The following RXRG variants were observed in gnomAD, a reference collection of about 807,000 sequenced individuals.
RXRG encodes retinoic acid receptor RXR-gamma.
Under a neutral mutation model 49.2 loss-of-function variants are expected in RXRG, and 19 were observed. The observed-to-expected ratio is 0.39, with a 90% CI of 0.27 to 0.57. The LOEUF is 0.57. Ranked by LOEUF, RXRG falls within the 20% of genes least tolerant of loss-of-function variation. RXRG has a pLI of 0.64. For missense variants in RXRG, 452 were observed against 592.5 expected (o/e 0.76, Z 2.46); for synonymous variants, 224 against 216.6 (o/e 1.03, Z -0.30).
At chr1:165,425,135 C>T (rs188742770) in intron 2 of RXRG, among the ~76,000 whole-genome samples, 13 of 152,252 alleles carry the variant, frequency 8.5e-5, no homozygotes, top group Non-Finnish European at 1.9e-4. Context: ...CCAGGAATAG[C>T]GGCCCTGCTA....
chr1:165,417,345 C>T (rs1658158796), intron 3 of RXRG, 125 bp from the exon 4 acceptor site: 5 of 782,288 alleles, frequency 6.4e-6, no homozygotes, highest in South Asian at 4.2e-5. Context: ...GGACAGAAAG[C>T]AAATAATCAC....
chr1:165,426,424 G>A (rs1165066853), intron 2 of RXRG, among the ~76,000 whole-genome samples: 2 of 152,052 alleles, frequency 1.3e-5, no homozygotes, highest in Non-Finnish European at 2.9e-5. Flanking sequence ...TGTGTTACCT[G>A]ACTGGGCCCA....
At chr1:165,437,191 G>T in intron 1 of RXRG, 1 of 1,367,710 alleles carries the variant, frequency 7.3e-7, no homozygotes, top group South Asian at 1.1e-5. Flanking sequence ...GGAGAGCAGG[G>T]GAAGAACACC....
chr1:165,411,140 C>T, intron 4 of RXRG, 31 bp from the exon 5 acceptor site: 1 of 1,606,770 alleles, frequency 6.2e-7, no homozygotes, highest in Non-Finnish European at 8.5e-7. Context: ...CAGAGGTTAC[C>T]ATAATGCCCA....
At chr1:165,421,099 A>T (rs1441225237) in intron 2 of RXRG, among the ~76,000 whole-genome samples, 1 of 152,236 alleles carries the variant, frequency 6.6e-6, no homozygotes, top group African/African-American at 2.4e-5. Context: ...TCAATAAAAC[A>T]GAAACTACAA....
intron 7 of RXRG, among the ~76,000 whole-genome samples, chr1:165,409,209 A>G (rs1014933421): frequency 6.6e-6 from 1 of 151,946 alleles, no homozygotes; most frequent in Non-Finnish European, 1.5e-5. Flanking sequence ...TCCACCCACA[A>G]CTTACTAGCT....
chr1:165,405,694 T>G (rs2101703407), intron 9 of RXRG, among the ~76,000 whole-genome samples: 1 of 152,354 alleles, frequency 6.6e-6, no homozygotes, highest in Non-Finnish European at 1.5e-5. Context: ...CTCTCTGAAC[T>G]GACTGCCCAC....
chr1:165,437,273 G>A (rs1658845217), intron 1 of RXRG: 3 of 1,326,160 alleles, frequency 2.3e-6, no homozygotes, highest in Non-Finnish European at 3.0e-6. Flanking sequence ...TATATGGGCT[G>A]TGTAAGACAC....
intron 1 of RXRG, among the ~76,000 whole-genome samples, chr1:165,436,172 C>T (rs1193480498): frequency 2.6e-5 from 4 of 152,162 alleles, no homozygotes; most frequent in Admixed American, 2.0e-4. Flanking sequence ...TTCAACCCCT[C>T]GGTTACAAGC....
At chr1:165,429,955 G>A (rs1408924782) in intron 1 of RXRG, among the ~76,000 whole-genome samples, 1 of 152,072 alleles carries the variant, frequency 6.6e-6, no homozygotes, top group African/African-American at 2.4e-5. Context: ...TAAGCTTTAG[G>A]ATCTGTAGCA....
chr1:165,443,011 C>T (rs903461713), intron 1 of RXRG, among the ~76,000 whole-genome samples: 1 of 152,182 alleles, frequency 6.6e-6, no homozygotes, highest in Non-Finnish European at 1.5e-5. Flanking sequence ...AGCTCAGCCC[C>T]ATATAAATTT....
chr1:165,412,904 T>G (rs1658001089), intron 4 of RXRG, among the ~76,000 whole-genome samples: 1 of 152,252 alleles, frequency 6.6e-6, no homozygotes, highest in African/African-American at 2.4e-5. Context: ...TGTATTAATT[T>G]TTTTAAAGGT....
At chr1:165,444,543 G>A (rs190001809) in intron 1 of RXRG, among the ~76,000 whole-genome samples, 41 of 152,126 alleles carry the variant, frequency 2.7e-4, no homozygotes, top group East Asian at 7.7e-4. Context: ...TTATAACAAT[G>A]CTCTTATTCT....
At chr1:165,434,270 G>C (rs1557925332) in intron 1 of RXRG, among the ~76,000 whole-genome samples, 2 of 63,750 alleles carry the variant, frequency 3.1e-5, no homozygotes, top group Non-Finnish European at 7.6e-5. Flanking sequence ...ACAATGAATT[G>C]CATGTGTGTA....
At chr1:165,425,951 G>A (rs974541263) in intron 2 of RXRG, among the ~76,000 whole-genome samples, 5 of 152,232 alleles carry the variant, frequency 3.3e-5, no homozygotes, top group Admixed American at 6.5e-5. Context: ...ATATATCACA[G>A]CATTAGGCAA....
chr1:165,439,236 C>CT, intron 1 of RXRG, among the ~76,000 whole-genome samples: 1 of 133,394 alleles, frequency 7.5e-6, no homozygotes, highest in Non-Finnish European at 1.5e-5. Context: ...TTTTCACTAC[C>CT]TCCATCATTA....
At chr1:165,427,435 TTTTG>T (rs1658524056) in intron 2 of RXRG, among the ~76,000 whole-genome samples, 1 of 107,794 alleles carries the variant, frequency 9.3e-6, no homozygotes, top group African/African-American at 2.7e-5. Flanking sequence ...TTTTGTTTTG[TTTTG>T]TTTTGTTTTG....
chr1:165,435,599 G>A (rs1356718146), intron 1 of RXRG, among the ~76,000 whole-genome samples: 1 of 152,170 alleles, frequency 6.6e-6, no homozygotes, highest in Non-Finnish European at 1.5e-5. Context: ...GAACAACTAA[G>A]ATACTCAATT....
rs1350397763 is a variant in RXRG, at chr1:165,401,249, GT to G, written c.*13del. On this transcript the variant is annotated 3_prime_UTR_variant, in exon 10 of 10. Coordinates refer to ENST00000359842, the MANE Select transcript of RXRG (RefSeq NM_006917.5). ...AGGGGTCATCCTGGGTGGGGAGGCT[GT>G]GGCTGGTGGGGCTCAGGTGATCTGC... 1.2e-6 allele frequency: 2 copies of G among 1,613,676 alleles called. No homozygotes were observed.
Sources: gnomAD v4.1 joint callset for allele counts (sites outside exome capture counted in the v4.1 genomes callset) on GRCh38, gnomAD v4.1.1 for gene constraint, MANE v1.5 for transcripts, NCBI Gene and HGNC (gene_info 2026-07-23, HGNC 2026-07-21) for gene names.